The following TANGO6 variants were observed in gnomAD, a reference collection of about 807,000 sequenced individuals.
TANGO6 encodes the protein transport and Golgi organization protein 6 homolog.
A neutral mutation model predicts 114.2 loss-of-function variants in TANGO6; 90 were observed. The observed-to-expected ratio is 0.79, with a 90% CI of 0.66 to 0.94. TANGO6 has a LOEUF of 0.94. Among genes scored for constraint, TANGO6 ranks in the 40% least tolerant of loss-of-function variants. TANGO6 has a pLI of 0.00. For missense variants in TANGO6, 1,274 were observed against 1,315.3 expected (o/e 0.97, Z 0.49); for synonymous variants, 477 against 509.8 (o/e 0.94, Z 0.87).
At chr16:68,961,066 C>G (rs2152208958) in intron 14 of TANGO6, among the ~76,000 whole-genome samples, 2 of 152,352 alleles carry the variant, frequency 1.3e-5, no homozygotes, top group Middle Eastern at 3.4e-3. Context: ...AAGATATCAA[C>G]TAGGAACAAA....
intron 16 of TANGO6, among the ~76,000 whole-genome samples, chr16:69,023,438 A>G (rs1959447201): frequency 6.6e-6 from 1 of 152,146 alleles, no homozygotes; most frequent in South Asian, 2.1e-4. Context: ...CCTGGGCAAC[A>G]CAGCGAGATT....
At chr16:69,043,612 C>A (rs933889069) in intron 17 of TANGO6, among the ~76,000 whole-genome samples, 3 of 152,298 alleles carry the variant, frequency 2.0e-5, no homozygotes, top group East Asian at 1.9e-4. Context: ...CTTCCTGGTA[C>A]ATCCTTGAGA....
At chr16:69,061,507 C>G (rs1368483885) in intron 17 of TANGO6, among the ~76,000 whole-genome samples, 1 of 151,750 alleles carries the variant, frequency 6.6e-6, no homozygotes, top group African/African-American at 2.4e-5. Context: ...GAGCCGAGAT[C>G]GCGCCACCGC....
At chr16:68,867,293 T>A in intron 4 of TANGO6, 73 bp downstream of exon 4, 1 of 1,585,578 alleles carries the variant, frequency 6.3e-7, no homozygotes, top group Non-Finnish European at 8.6e-7. Context: ...GAATTATTGG[T>A]CTTTAGTATT....
chr16:69,053,463 A>G (rs1959986008), intron 17 of TANGO6, among the ~76,000 whole-genome samples: 1 of 152,110 alleles, frequency 6.6e-6, no homozygotes, highest in Admixed American at 6.6e-5. Flanking sequence ...TTCATCCCCA[A>G]TCTTTGCTGA....
At chr16:68,894,450 A>G (rs1203186553) in intron 7 of TANGO6, among the ~76,000 whole-genome samples, 1 of 152,060 alleles carries the variant, frequency 6.6e-6, no homozygotes, top group Admixed American at 6.6e-5. Flanking sequence ...CTTGGTATTA[A>G]TAGAAGGGAG....
In TANGO6 at chr16:69,018,437, C is replaced by T. The variant is rs561991019; in HGVS notation, c.2843-4391C>T. On this transcript the variant is annotated intron_variant, in intron 15 of 17. Coordinates refer to ENST00000261778, the MANE Select transcript of TANGO6 (RefSeq NM_024562.2). ...TGCTGGGATTACAGGTGTGAGCCACCGCGCCCGGCCGGAAATCTCTTAAAT... is the reference window on the plus strand; with the variant it reads ...TGCTGGGATTACAGGTGTGAGCCACTGCGCCCGGCCGGAAATCTCTTAAAT... 4.0e-5 allele frequency among the ~76,000 whole-genome samples: 6 copies of T among 150,594 alleles called. No individual in the cohort carries two copies. The South Asian group carries it at 1.3e-3, about 32-fold the overall frequency.
At chr16:69,076,398 C>G (rs1960380327) in intron 17 of TANGO6, among the ~76,000 whole-genome samples, 2 of 152,030 alleles carry the variant, frequency 1.3e-5, no homozygotes, top group Admixed American at 1.3e-4. Flanking sequence ...AGCCTCATTT[C>G]TTGATACATT....
At chr16:69,082,808 C>T (rs1402835202) in intron 17 of TANGO6, among the ~76,000 whole-genome samples, 5 of 151,684 alleles carry the variant, frequency 3.3e-5, no homozygotes, top group Admixed American at 3.3e-4. Context: ...CAGCAGAGGG[C>T]TTTATGGGGA....
chr16:69,073,052 C>G (rs546241549), intron 17 of TANGO6, among the ~76,000 whole-genome samples: 1 of 149,084 alleles, frequency 6.7e-6, no homozygotes, highest in South Asian at 2.1e-4. Context: ...CAGAGTGAGA[C>G]CTTCTTTAAA....
chr16:69,028,575 G>A (rs1341215056), intron 16 of TANGO6, among the ~76,000 whole-genome samples: 1 of 152,064 alleles, frequency 6.6e-6, no homozygotes, highest in East Asian at 1.9e-4. Flanking sequence ...GGAGTTTGCA[G>A]TGAGCTAAAA....
At chr16:68,966,126 T>C (rs1055697886) in intron 14 of TANGO6, among the ~76,000 whole-genome samples, 2 of 152,100 alleles carry the variant, frequency 1.3e-5, no homozygotes, top group Non-Finnish European at 2.9e-5. Flanking sequence ...CCAGCTATAC[T>C]GAAGTGAGAG....
chr16:69,027,113 C>T (rs1025497808), intron 16 of TANGO6, among the ~76,000 whole-genome samples: 4 of 152,266 alleles, frequency 2.6e-5, no homozygotes, highest in South Asian at 2.1e-4. Flanking sequence ...CTGCGTGCCT[C>T]GGCCTCCCGA....
In TANGO6 at chr16:69,046,767, T is replaced by TA. The variant is rs201320728; in HGVS notation, c.3108+6355dup. Among the ~76,000 whole-genome samples the TA allele has an allele frequency of 5.8e-3, 876 of 151,134 alleles. 5 individuals are homozygous for TA. Among genetic ancestry groups the TA allele is most frequent in the African/African-American group, 0.016 (645 of 41,228 alleles). On this transcript the variant is annotated intron_variant, in intron 17 of 17. Transcript: ENST00000261778. ...CCTAGAACTAAAAACTACAGTGACT[T>TA]AAAAAAAAATCACTAAATGGAATTA...
chr16:68,886,753 C>T (rs1197655911), intron 7 of TANGO6, among the ~76,000 whole-genome samples: 1 of 152,032 alleles, frequency 6.6e-6, no homozygotes, highest in Non-Finnish European at 1.5e-5. Flanking sequence ...TCAGGTGATC[C>T]ACCTGCCTCA....
At chr16:69,083,355 A>G in intron 17 of TANGO6, 130 bp from the exon 18 acceptor site, 1 of 1,204,796 alleles carries the variant, frequency 8.3e-7, no homozygotes, top group Non-Finnish European at 1.1e-6. Flanking sequence ...CACTGCACCC[A>G]GCCACATTAT....
At chr16:68,890,798 A>T (rs1962602738) in intron 7 of TANGO6, among the ~76,000 whole-genome samples, 1 of 152,216 alleles carries the variant, frequency 6.6e-6, no homozygotes, top group Admixed American at 6.5e-5. Flanking sequence ...AGGCAGTTCG[A>T]TCACCTGAGG....
chr16:68,994,089 A>G (rs142914513), intron 15 of TANGO6, among the ~76,000 whole-genome samples: 26 of 152,312 alleles, frequency 1.7e-4, no homozygotes, highest in African/African-American at 5.8e-4. Context: ...TGAGCTGTTG[A>G]GATGGAATGA....
In TANGO6 at chr16:69,023,005, A is replaced by G. The variant is rs374393390; in HGVS notation, c.2994+26A>G. ...GTACTGTATTTTGATTCCTTTCTCT[A>G]AAGCGTGTTTTCACTTGGACCTACG... On this transcript the variant is annotated intron_variant, in intron 16 of 17. Transcript: ENST00000261778. 15 of 1,540,814 alleles carry G rather than the reference A, an allele frequency of 9.7e-6. No individual in the cohort carries two copies. In the African/African-American group the frequency reaches 1.9e-4, roughly 20 times the overall value.
Sources: gnomAD v4.1 joint callset for allele counts (sites outside exome capture counted in the v4.1 genomes callset) on GRCh38, gnomAD v4.1.1 for gene constraint, MANE v1.5 for transcripts, NCBI Gene and HGNC (gene_info 2026-07-23, HGNC 2026-07-21) for gene names.